The following HECW2 variants were observed in gnomAD, a reference collection of about 807,000 sequenced individuals.
HECW2 encodes the protein E3 ubiquitin-protein ligase HECW2.
Under a neutral mutation model 175.2 loss-of-function variants are expected in HECW2, and 61 were observed. That is an observed-to-expected ratio of 0.35 (90% CI 0.28 to 0.43). The LOEUF (loss-of-function observed/expected upper bound fraction) is 0.43, where lower values mean the gene tolerates loss of function less well. Ranked by LOEUF, HECW2 falls within the 20% of genes least tolerant of loss-of-function variation. The pLI is 1.00. For missense variants in HECW2, 1,524 were observed against 2,000.5 expected, an observed-to-expected ratio of 0.76 and a Z score of 4.54; for synonymous variants, 671 against 731.0, an observed-to-expected ratio of 0.92 and a Z score of 1.32.
chr2:196,434,000 C>T (rs1695795308), intron 1 of HECW2, among the ~76,000 whole-genome samples: 1 of 152,192 alleles, frequency 6.6e-6, no homozygotes, highest in Non-Finnish European at 1.5e-5. Flanking sequence ...GTGGCCATCA[C>T]ATTTAAAACT....
At chr2:196,317,049 G>A in intron 10 of HECW2, 1 of 474,972 alleles carries the variant, frequency 2.1e-6, no homozygotes, top group Non-Finnish European at 3.8e-6. Context: ...TTTACCCCAT[G>A]GGCAACACAG....
intron 15 of HECW2, among the ~76,000 whole-genome samples, chr2:196,275,249 C>T (rs1689899800): frequency 6.6e-6 from 1 of 152,138 alleles, no homozygotes. Flanking sequence ...ACAAACAGAA[C>T]AAGCAGCTGC....
At position 196,198,359 on chromosome 2, in the gene HECW2, T is replaced by C. The variant is rs1229993578; in HGVS notation, c.*2918A>G. ...TTTTTTTTAGCCACACTATCATCTA[T>C]ATATGAAGCCATTATTGAATCTCCC... is the stretch of plus-strand genomic sequence containing the variant. On this transcript the variant is annotated 3_prime_UTR_variant, in exon 29 of 29. Coordinates refer to ENST00000644978, the MANE Select transcript of HECW2 (RefSeq NM_001348768.2). The C allele has an allele frequency of 6.6e-6, 1 of 152,224 alleles. No homozygotes were observed. Among genetic ancestry groups the C allele is most frequent in the Non-Finnish European group, 1.5e-5 (1 of 68,034 alleles). The allele number at this position is 152,224 out of a possible 1,614,324, so 9.4% of individuals were successfully genotyped here.
intron 19 of HECW2, among the ~76,000 whole-genome samples, chr2:196,243,107 C>T (rs774549957): frequency 3.0e-4 from 45 of 151,932 alleles, no homozygotes; most frequent in Admixed American, 3.9e-4. Flanking sequence ...CAAAAGGCAC[C>T]TGTCTCACTT....
At chr2:196,354,025 C>T (rs112480184) in intron 2 of HECW2, among the ~76,000 whole-genome samples, 3 of 152,084 alleles carry the variant, frequency 2.0e-5, no homozygotes, top group South Asian at 2.1e-4. Flanking sequence ...CAGGACCCAC[C>T]GAATGCAAGT....
At chr2:196,454,636 C>A (rs1696449431) in intron 1 of HECW2, among the ~76,000 whole-genome samples, 1 of 152,198 alleles carries the variant, frequency 6.6e-6, no homozygotes, top group Non-Finnish European at 1.5e-5. Flanking sequence ...CCCATATCTG[C>A]AGTGCAGAGA....
At chr2:196,307,026 A>C in intron 12 of HECW2, 104 bp downstream of exon 12, 2 of 734,390 alleles carry the variant, frequency 2.7e-6, no homozygotes, top group Non-Finnish European at 2.3e-6. Flanking sequence ...GATCTTATTG[A>C]AGAGCAAAAG....
chr2:196,409,016 T>G (rs1184053316), intron 2 of HECW2, among the ~76,000 whole-genome samples: 1 of 152,198 alleles, frequency 6.6e-6, no homozygotes, highest in Non-Finnish European at 1.5e-5. Context: ...TTCAGGAAAC[T>G]TGCAAGCTGG....
chr2:196,270,277 G>A (rs1317134169), intron 17 of HECW2, among the ~76,000 whole-genome samples: 1 of 152,206 alleles, frequency 6.6e-6, no homozygotes, highest in African/African-American at 2.4e-5. Context: ...AGGAGGGAAA[G>A]CTTCTGCTGG....
At chr2:196,539,473 A>G (rs941195258) in intron 1 of HECW2, among the ~76,000 whole-genome samples, 78 of 152,094 alleles carry the variant, frequency 5.1e-4, no homozygotes, top group African/African-American at 1.9e-3. Flanking sequence ...TCTACTAAAA[A>G]AATACAAAAA....
intron 1 of HECW2, among the ~76,000 whole-genome samples, chr2:196,553,920 G>A (rs1689692743): frequency 6.7e-6 from 1 of 150,358 alleles, no homozygotes; most frequent in Non-Finnish European, 1.5e-5. Context: ...AAACTCTTCA[G>A]TCAGTAAACT....
intron 14 of HECW2, among the ~76,000 whole-genome samples, chr2:196,282,982 T>G (rs1235756768): frequency 6.6e-6 from 1 of 152,008 alleles, no homozygotes; most frequent in Admixed American, 6.6e-5. Context: ...AAGGAGCGGC[T>G]AGGTGTGGTG....
chr2:196,215,277 A>C (rs1687432905), intron 28 of HECW2, among the ~76,000 whole-genome samples: 1 of 152,222 alleles, frequency 6.6e-6, no homozygotes, highest in African/African-American at 2.4e-5. Context: ...CATCTCACAT[A>C]TGTGCATGAA....
At chr2:196,585,025 T>A (rs1690923470) in intron 1 of HECW2, among the ~76,000 whole-genome samples, 1 of 152,184 alleles carries the variant, frequency 6.6e-6, no homozygotes, top group Non-Finnish European at 1.5e-5. Flanking sequence ...TAAAAAAAAT[T>A]CATAGTCTAA....
At chr2:196,296,944 G>C (rs915673856) in intron 13 of HECW2, among the ~76,000 whole-genome samples, 24 of 152,234 alleles carry the variant, frequency 1.6e-4, no homozygotes, top group African/African-American at 4.6e-4. Context: ...ACTAGGTAAG[G>C]ATCCTTTTCT....
At chr2:196,339,265 G>A (rs1444267932) in intron 3 of HECW2, among the ~76,000 whole-genome samples, 3 of 152,042 alleles carry the variant, frequency 2.0e-5, no homozygotes, top group Admixed American at 1.3e-4. Flanking sequence ...AAATAAAAAG[G>A]CACCCATGAC....
At chr2:196,356,160 C>T (rs1693359157) in intron 2 of HECW2, among the ~76,000 whole-genome samples, 1 of 152,190 alleles carries the variant, frequency 6.6e-6, no homozygotes, top group African/African-American at 2.4e-5. Context: ...TCTCTAGAAC[C>T]TACTATGTGC....
intron 2 of HECW2, among the ~76,000 whole-genome samples, chr2:196,383,947 C>T (rs1238014023): frequency 6.6e-6 from 1 of 152,164 alleles, no homozygotes; most frequent in South Asian, 2.1e-4. Flanking sequence ...GACTGTGTCT[C>T]ATATTACTCA....
At chr2:196,413,994 G>A (rs1176544958) in intron 2 of HECW2, among the ~76,000 whole-genome samples, 2 of 152,156 alleles carry the variant, frequency 1.3e-5, no homozygotes, top group Admixed American at 1.3e-4. Context: ...GTGTGTTGCT[G>A]GTGATCACTA....
Sources: gnomAD v4.1 joint callset for allele counts (sites outside exome capture counted in the v4.1 genomes callset) on GRCh38, gnomAD v4.1.1 for gene constraint, MANE v1.5 for transcripts, NCBI Gene and HGNC (gene_info 2026-07-23, HGNC 2026-07-21) for gene names.